FMNL1: variants seen among roughly 807,000 people sequenced by gnomAD.
FMNL1 encodes the protein formin like 1, also known as formin-like protein 1.
A neutral mutation model predicts 121.3 loss-of-function variants in FMNL1; 43 were observed. That is an observed-to-expected ratio of 0.35 (90% CI 0.28 to 0.46). The LOEUF (loss-of-function observed/expected upper bound fraction) is 0.46. FMNL1 is among the 20% of genes least tolerant of loss of function. FMNL1 has a pLI of 1.00. For missense variants in FMNL1, 1,191 were observed against 1,482.4 expected (o/e 0.80, Z 3.23); for synonymous variants, 613 against 613.5 (o/e 1.00, Z 0.01).
Position 45,233,958 on chromosome 17 carries a change from C to T in FMNL1, c.486-114C>T. ...AGCACAGTGCCAAGAACACAGCCTC[C>T]TCCTCCTGCTCCTTAGTCTCACCTG... On this transcript the variant is annotated intron_variant, in intron 5 of 26. Coordinates refer to ENST00000331495, the MANE Select transcript of FMNL1 (RefSeq NM_005892.4). The surrounding 1 kb of genome is among the most constrained non-coding windows in gnomAD (Gnocchi z 4.1). 6.9e-7 allele frequency: 1 copy of T among 1,455,298 alleles called. No individual in the cohort carries two copies. Among genetic ancestry groups the T allele is most frequent in the Non-Finnish European group, 9.2e-7 (1 of 1,084,366 alleles). 90.1% of individuals were successfully genotyped at this position (1,455,298 alleles called of 1,614,324 possible).
intron 3 of FMNL1, chr17:45,232,990 G>A (rs1343322781): frequency 1.6e-6 from 1 of 638,086 alleles, no homozygotes; most frequent in Non-Finnish European, 2.9e-6. Flanking sequence ...TACCTTGTGT[G>A]CCCATGTATC....
At position 45,233,892 on chromosome 17, in the gene FMNL1, C is replaced by T; in HGVS notation, c.485+161C>T. 1.5e-6 allele frequency: 2 copies of T among 1,319,858 alleles called. No individual in the cohort carries two copies. The highest frequency in any genetic ancestry group is 1.4e-5 in the South Asian group (1 of 69,126). 81.8% of individuals were successfully genotyped at this position (1,319,858 alleles called of 1,614,324 possible). A position where few individuals can be genotyped will look rare whatever the true frequency, so the allele number is the denominator to read the frequency against. ...GCGATGCTCCTTCCAGAAGGCCTGCCCCCGACAGGGAGGGGTGGCCTCTCT... is the reference window on the plus strand; with the variant it reads ...GCGATGCTCCTTCCAGAAGGCCTGCTCCCGACAGGGAGGGGTGGCCTCTCT... On this transcript the variant is annotated intron_variant, in intron 5 of 26. Coordinates refer to ENST00000331495, the MANE Select transcript of FMNL1 (RefSeq NM_005892.4). This position sits in a 1 kb window ranked among gnomAD's most constrained non-coding sequence, Gnocchi z 4.1.
Position 45,242,391 on chromosome 17 carries a change from A to T in FMNL1, c.1936A>T (p.Asn646Tyr). 6.2e-7 allele frequency: 1 copy of T among 1,614,082 alleles called. No homozygotes were observed. Among genetic ancestry groups the T allele is most frequent in the Non-Finnish European group, 8.5e-7 (1 of 1,179,956 alleles). ...IQTKFRMPLL[N>Y]WVALKPSQIT... The stretch of plus-strand genomic sequence containing the variant: ...GACTAAGTTCCGAATGCCACTCTTG[A>T]ACTGGGTGGCACTGAAACCCAGCCA... Residue 646 changes from asparagine to tyrosine, a missense_variant, in exon 16 of 27, where the codon AAC (asparagine) becomes TAC (tyrosine). Around this residue, in one of 4 missense-constraint regions of FMNL1, gnomAD observed 519 missense variants for 492.8 expected, o/e 1.05. Transcript: ENST00000331495.
chr17:45,226,703 A>G (rs1301830923), intron 1 of FMNL1, among the ~76,000 whole-genome samples: 1 of 151,736 alleles, frequency 6.6e-6, no homozygotes, highest in Non-Finnish European at 1.5e-5. Flanking sequence ...TTGAGAGATT[A>G]ATTCTGAGTG....
intron 7 of FMNL1, 51 bp downstream of exon 7, chr17:45,236,295 C>T (rs1475015609): frequency 2.7e-6 from 4 of 1,481,864 alleles, no homozygotes; most frequent in Non-Finnish European, 2.8e-6. Flanking sequence ...CCTGTCCTCA[C>T]TGGGGGCTAC....
chr17:45,224,803 C>T (rs978057327), intron 1 of FMNL1, among the ~76,000 whole-genome samples: 6 of 152,212 alleles, frequency 3.9e-5, no homozygotes, highest in African/African-American at 7.2e-5. Flanking sequence ...CCAGGGTTTC[C>T]GGCTGCTGCC....
At chr17:45,242,240 C>T (rs1324349805) in intron 15 of FMNL1, 94 bp downstream of exon 15, 4 of 1,571,176 alleles carry the variant, frequency 2.5e-6, no homozygotes, top group African/African-American at 2.7e-5. Flanking sequence ...TGCCTGGGGG[C>T]CTCCTGCTGC....
Position 45,221,904 on chromosome 17 carries a change from G to A in FMNL1, c.-221G>A, listed in dbSNP as rs1166170289. 2 of 333,710 alleles carry A rather than the reference G, an allele frequency of 6.0e-6. No homozygotes were observed. The allele number at this position is 333,710 out of a possible 1,614,324, so 20.7% of individuals were successfully genotyped here. Reference sequence around the variant, plus strand: ...CAGCCTGACTTCCTCCCCCAACCCTGCAGCTCGCCGCCCGGTCCCACGGAC... The same window carrying A: ...CAGCCTGACTTCCTCCCCCAACCCTACAGCTCGCCGCCCGGTCCCACGGAC... On this transcript the variant is annotated 5_prime_UTR_variant, in exon 1 of 27. Coordinates refer to ENST00000331495, the MANE Select transcript of FMNL1 (RefSeq NM_005892.4).
Position 45,245,562 on chromosome 17 carries a change from G to T in FMNL1, c.2893-70G>T, listed in dbSNP as rs750449188. On this transcript the variant is annotated intron_variant, in intron 22 of 26. Transcript: ENST00000331495. The stretch of plus-strand genomic sequence containing the variant: ...CCTGCCTGGGAGGAGCTCAGATCAG[G>T]TGGCCAGTGTCCTGAGGGGTACAGG... 21 of 1,603,670 alleles carry T rather than the reference G, an allele frequency of 1.3e-5. No homozygotes were observed. The African/African-American group carries it at 2.4e-4, about 18-fold the overall frequency.
Position 45,241,464 on chromosome 17 carries a change from G to C in FMNL1, c.1415G>C (p.Arg472Pro). 1 of 1,570,210 alleles carries C rather than the reference G, an allele frequency of 6.4e-7. No homozygotes were observed. Among genetic ancestry groups the C allele is most frequent in the Middle Eastern group, 1.7e-4 (1 of 5,766 alleles). ...PEKAPPAAPT[R>P]PSALELKVEE... ...AAAGCGCCTCCCGCTGCCCCGACGC[G>C]GCCCTCGGCCCTGGAGCTGAAGGTG... The change falls in exon 14 of 27, where the codon CGG becomes CCG. Residue 472 changes from arginine (R) to proline (P), a missense_variant. Around this residue, in one of 4 missense-constraint regions of FMNL1, gnomAD observed 519 missense variants for 492.8 expected, o/e 1.05. Transcript: ENST00000331495. This position sits in a 1 kb window ranked among gnomAD's most constrained non-coding sequence, Gnocchi z 7.0.
chr17:45,246,860 C>T lies in FMNL1; in HGVS notation c.*9-7C>T, dbSNP rs1055050269. Reference sequence around the variant, plus strand: ...TGAATGGTAAATGTGTCTCCTTCGGCTGCCAGATCTGCGGAACCAGCCCTA... The same window carrying T: ...TGAATGGTAAATGTGTCTCCTTCGGTTGCCAGATCTGCGGAACCAGCCCTA... On this transcript the variant is annotated splice_region_variant and splice_polypyrimidine_tract_variant and intron_variant, in intron 26 of 26. Coordinates refer to ENST00000331495, the MANE Select transcript of FMNL1 (RefSeq NM_005892.4). 1.4e-6 allele frequency: 1 copy of T among 727,324 alleles called. No homozygotes were observed. The highest frequency in any genetic ancestry group is 1.7e-5 in the African/African-American group (1 of 58,376). 45.1% of individuals were successfully genotyped at this position (727,324 alleles called of 1,614,324 possible). A position where few individuals can be genotyped will look rare whatever the true frequency, so the allele number is the denominator to read the frequency against.
intron 26 of FMNL1, 78 bp from the exon 27 acceptor site, chr17:45,246,789 T>C (rs1365077473): frequency 2.8e-6 from 2 of 706,158 alleles, no homozygotes; most frequent in Non-Finnish European, 5.0e-6. Context: ...CTTAGGAGGC[T>C]AAGCTTTGTG....
Position 45,233,515 on chromosome 17 carries a change from C to A in FMNL1, c.402-133C>A. The A allele has an allele frequency of 8.9e-7, 1 of 1,120,192 alleles. No homozygotes were observed. Among genetic ancestry groups the A allele is most frequent in the Non-Finnish European group, 1.3e-6 (1 of 781,078 alleles). 69.4% of individuals were successfully genotyped at this position (1,120,192 alleles called of 1,614,324 possible). ...GGGCTGTGGGACCCACCTGAGTCTCCCAGAATCCTTTGGTATCATTGGGTC... is the reference window on the plus strand; with the variant it reads ...GGGCTGTGGGACCCACCTGAGTCTCACAGAATCCTTTGGTATCATTGGGTC... On this transcript the variant is annotated intron_variant, in intron 4 of 26. Transcript: ENST00000331495. This position sits in a 1 kb window ranked among gnomAD's most constrained non-coding sequence, Gnocchi z 4.1.
In FMNL1 at chr17:45,242,455, A is replaced by C. The variant is rs766165718; in HGVS notation, c.2000A>C (p.Lys667Thr). ...GTVFTELNDE[K>T]VLQELDMSDF... ...GTCTTCACAGAGCTCAATGATGAGA[A>C]GGTGCTGCAGGTGAGTGGCCCTGCC... The change falls in exon 16 of 27, where the codon AAG (lysine) becomes ACG (threonine). Residue 667 changes from lysine (K) to threonine (T), a missense_variant. By Grantham distance (78) the Lys-to-Thr change is moderately conservative. This residue lies in a region of FMNL1 where 519 missense variants were observed against 492.8 expected (regional missense o/e 1.05). Coordinates refer to ENST00000331495, the MANE Select transcript of FMNL1 (RefSeq NM_005892.4). 1 of 1,613,492 alleles carries C rather than the reference A, an allele frequency of 6.2e-7. No homozygotes were observed. The highest frequency in any genetic ancestry group is 8.5e-7 in the Non-Finnish European group (1 of 1,179,490).
At chr17:45,245,226 C>A (rs1320580065) in intron 21 of FMNL1, 27 bp from the exon 22 acceptor site, 4 of 1,613,846 alleles carry the variant, frequency 2.5e-6, no homozygotes, top group Non-Finnish European at 3.4e-6. Context: ...GATTCACTGA[C>A]CTGATACTGC....
rs142328622 is a variant in FMNL1 at position 45,232,178 on chromosome 17, A to G, written c.214-189A>G. Among the ~76,000 whole-genome samples, 343 of 152,296 alleles carry G rather than the reference A, an allele frequency of 2.3e-3. 2 individuals are homozygous for G. Among genetic ancestry groups the G allele is most frequent in the African/African-American group, 7.6e-3 (317 of 41,536 alleles). The stretch of plus-strand genomic sequence containing the variant: ...CACAGGGCAAGAAAAGAGAAAGATA[A>G]AAGAAAAGAAAAAAAAAGAAAGTGG... On this transcript the variant is annotated intron_variant, in intron 2 of 26. Coordinates refer to ENST00000331495, the MANE Select transcript of FMNL1 (RefSeq NM_005892.4).
Position 45,233,218 on chromosome 17 carries a change from C to T in FMNL1, c.328-6C>T. On this transcript the variant is annotated splice_region_variant and splice_polypyrimidine_tract_variant and intron_variant, in intron 3 of 26. Coordinates refer to ENST00000331495, the MANE Select transcript of FMNL1 (RefSeq NM_005892.4). This position sits in a 1 kb window ranked among gnomAD's most constrained non-coding sequence, Gnocchi z 4.1. ...CCCACCAGCCTTCCCTGTTCTCGGT[C>T]CCCAGTTTAAGAGGCGAGTTCAGGA... is the stretch of plus-strand genomic sequence containing the variant. 1 of 1,554,552 alleles carries T rather than the reference C, an allele frequency of 6.4e-7. No individual in the cohort carries two copies. Among genetic ancestry groups the T allele is most frequent in the East Asian group, 2.4e-5 (1 of 41,536 alleles).
chr17:45,241,814 C>T lies in FMNL1; in HGVS notation c.1586-33C>T. 2.8e-6 allele frequency: 4 copies of T among 1,406,682 alleles called. No homozygotes were observed. In the South Asian group the frequency reaches 4.6e-5, roughly 16 times the overall value. The allele number at this position is 1,406,682 out of a possible 1,614,324, so 87.1% of individuals were successfully genotyped here. A position where few individuals can be genotyped will look rare whatever the true frequency, so the allele number is the denominator to read the frequency against. On this transcript the variant is annotated intron_variant, in intron 14 of 26. Transcript: ENST00000331495. This position sits in a 1 kb window ranked among gnomAD's most constrained non-coding sequence, Gnocchi z 7.0. ...CCACCCAAGTCAAGGAGCTGACTCG[C>T]GCCTCCCCCACGCCGCGCCCTCGCT...
Position 45,246,222 on chromosome 17 carries a change from G to T in FMNL1, c.3103G>T (p.Ala1035Ser), listed in dbSNP as rs1384947964. ...AAATTCCCCCTAGTCACCGCCAAAG[G>T]CCCGGCGGCCACAGATGGACCTCAT... ...EPPAPKSPPK[A>S]RRPQMDLISE... The change falls in exon 25 of 27, where the codon GCC (alanine) becomes TCC (serine). Residue 1035 changes from alanine (A) to serine (S), a missense_variant. By Grantham distance (99) the Ala-to-Ser change is moderately conservative. Coordinates refer to ENST00000331495, the MANE Select transcript of FMNL1 (RefSeq NM_005892.4). 3 of 1,608,890 alleles carry T rather than the reference G, an allele frequency of 1.9e-6. No homozygotes were observed. Among genetic ancestry groups the T allele is most frequent in the Non-Finnish European group, 2.6e-6 (3 of 1,175,836 alleles).
Sources: allele counts gnomAD v4.1 joint callset (sites outside exome capture counted in the v4.1 genomes callset), GRCh38; gene constraint gnomAD v4.1.1; regional missense constraint gnomAD v4.1.1; non-coding constraint Gnocchi (gnomAD v3.1); transcripts MANE v1.5; gene names NCBI Gene and HGNC (gene_info 2026-07-23, HGNC 2026-07-21).